DTD1: variants seen among roughly 807,000 people sequenced by gnomAD.
DTD1 encodes D-tyrosyl-tRNA deacylase 1 homolog.
A neutral mutation model predicts 25.6 loss-of-function variants in DTD1; 13 were observed. The observed-to-expected ratio is 0.51, with a 90% CI of 0.33 to 0.81. The LOEUF is 0.81. DTD1 is among the 30% of genes least tolerant of loss of function. DTD1 has a pLI of 0.02. For missense variants in DTD1, 193 were observed against 266.4 expected (o/e 0.72, Z 1.92); for synonymous variants, 110 against 103.6 (o/e 1.06, Z -0.37).
chr20:18,746,482 G>A (rs2061300784), intron 5 of DTD1, among the ~76,000 whole-genome samples: 1 of 151,872 alleles, frequency 6.6e-6, no homozygotes, highest in Non-Finnish European at 1.5e-5. Flanking sequence ...AGAATCACTC[G>A]AACCCAAGAG....
chr20:18,727,503 C>T (rs73899874), intron 4 of DTD1, among the ~76,000 whole-genome samples: 3,442 of 152,022 alleles, frequency 0.023, 71 homozygotes, highest in African/African-American at 0.051. Flanking sequence ...AAGGAGAGGG[C>T]GGCCCTGGAA....
chr20:18,721,072 T>G (rs2122492235), intron 4 of DTD1, among the ~76,000 whole-genome samples: 1 of 152,320 alleles, frequency 6.6e-6, no homozygotes, highest in East Asian at 1.9e-4. Context: ...CTATGCCTTT[T>G]ATTTCCTTTT....
chr20:18,631,848 A>G (rs2122319926), intron 4 of DTD1: 2 of 985,298 alleles, frequency 2.0e-6, no homozygotes, highest in South Asian at 4.7e-5. Flanking sequence ...ATTTTTCTGG[A>G]AATGGTAGAA....
intron 4 of DTD1, among the ~76,000 whole-genome samples, chr20:18,665,422 TGAG>T (rs1268875659): frequency 6.6e-6 from 1 of 152,222 alleles, no homozygotes; most frequent in Non-Finnish European, 1.5e-5. Context: ...GGTATCCCCT[TGAG>T]GAGTGCCAGC....
intron 4 of DTD1, among the ~76,000 whole-genome samples, chr20:18,677,050 A>G (rs1489599607): frequency 6.6e-6 from 1 of 152,254 alleles, no homozygotes; most frequent in East Asian, 1.9e-4. Context: ...TGACAAAGTA[A>G]TTAATCATTT....
At chr20:18,701,520 C>T (rs539775629) in intron 4 of DTD1, among the ~76,000 whole-genome samples, 2 of 152,178 alleles carry the variant, frequency 1.3e-5, no homozygotes, top group Non-Finnish European at 2.9e-5. Context: ...ATCTTGTGGG[C>T]AGGTAGGAGC....
At chr20:18,588,922 G>A (rs572807250) in intron 1 of DTD1, 345 of 948,810 alleles carry the variant, frequency 3.6e-4, no homozygotes, top group Non-Finnish European at 4.2e-4. Flanking sequence ...TAAATGACAA[G>A]CTTTATATTG....
chr20:18,753,846 C>A (rs2061329797), intron 5 of DTD1, among the ~76,000 whole-genome samples: 1 of 152,066 alleles, frequency 6.6e-6, no homozygotes, highest in South Asian at 2.1e-4. Flanking sequence ...GGACCATCAG[C>A]TCTCAAGCAA....
chr20:18,762,264 C>T (rs1884790), intron 5 of DTD1, among the ~76,000 whole-genome samples: 84,042 of 152,110 alleles, frequency 0.55, 24,205 homozygotes, highest in Non-Finnish European at 0.62. Context: ...TACTGAAGTC[C>T]ATCCAATTAG....
chr20:18,612,396 T>G (rs1029406396), intron 3 of DTD1, among the ~76,000 whole-genome samples: 3 of 152,128 alleles, frequency 2.0e-5, no homozygotes, highest in Non-Finnish European at 2.9e-5. Context: ...GAGGGCTTGT[T>G]ATATTCCAGG....
In DTD1 at chr20:18,676,554, C is replaced by T. The variant is rs187618801; in HGVS notation, c.477+48321C>T. Among the ~76,000 whole-genome samples, 100 of 152,206 alleles carry T rather than the reference C, an allele frequency of 6.6e-4. 1 individual carries two copies. The East Asian group carries it at 0.017, about 26-fold the overall frequency. On this transcript the variant is annotated intron_variant, in intron 4 of 5. Transcript: ENST00000377452. ...CTGTTTTCTCCACCCCGTGGTGTAGCCAATAAATTGGAAAATTGACGGTTG... is the reference window on the plus strand; with the variant it reads ...CTGTTTTCTCCACCCCGTGGTGTAGTCAATAAATTGGAAAATTGACGGTTG...
At chr20:18,763,145 A>G (rs6081362) in intron 5 of DTD1, among the ~76,000 whole-genome samples, 38,199 of 152,100 alleles carry the variant, frequency 0.25, 5,078 homozygotes, top group Middle Eastern at 0.34. Context: ...ATGGAGTTTT[A>G]ATGAACTGGA....
At position 18,744,185 on chromosome 20, in the gene DTD1, C is replaced by T. The variant is rs2061290555; in HGVS notation, c.563C>T (p.Pro188Leu). 1 of 1,612,168 alleles carries T rather than the reference C, an allele frequency of 6.2e-7. No homozygotes were observed. The highest frequency in any genetic ancestry group is 1.7e-5 in the Admixed American group (1 of 60,000). ...GAATCAAGCAAGGAAAGAAACACTCCCCGAAAAGAAGACCGCAGTGCCAGC... is the reference window on the plus strand; with the variant it reads ...GAATCAAGCAAGGAAAGAAACACTCTCCGAAAAGAAGACCGCAGTGCCAGC... Reference protein sequence around the residue: ...PSESSKERNTPRKEDRSASSG... With the variant: ...PSESSKERNTLRKEDRSASSG... The change falls in exon 5 of 6, where the codon CCC becomes CTC. Residue 188 changes from proline (P) to leucine (L), a missense_variant. Transcript: ENST00000377452.
At chr20:18,590,602 C>T (rs1216833034) in intron 1 of DTD1, among the ~76,000 whole-genome samples, 1 of 152,248 alleles carries the variant, frequency 6.6e-6, no homozygotes, top group Non-Finnish European at 1.5e-5. Flanking sequence ...TCCTGAGTAG[C>T]TGGTCTTACA....
At position 18,747,207 on chromosome 20, in the gene DTD1, C is replaced by T. The variant is rs544208510; in HGVS notation, c.*19+2936C>T. On this transcript the variant is annotated intron_variant, in intron 5 of 5. Transcript: ENST00000377452. ...TTTCAGTTGTGCTAGTTAAATGGGT[C>T]AAGCAGTAATTCAGAAACTCATCGA... Among the ~76,000 whole-genome samples the T allele has an allele frequency of 1.8e-4, 28 of 152,300 alleles. No homozygotes were observed. The South Asian group carries it at 4.1e-3, about 23-fold the overall frequency.
chr20:18,644,671 T>C (rs1410637008), intron 4 of DTD1, among the ~76,000 whole-genome samples: 1 of 151,156 alleles, frequency 6.6e-6, no homozygotes, highest in East Asian at 2.0e-4. Flanking sequence ...ATTTCTCATC[T>C]TGGTTCCTTT....
At chr20:18,761,036 T>A (rs367802644) in intron 5 of DTD1, among the ~76,000 whole-genome samples, 5 of 152,194 alleles carry the variant, frequency 3.3e-5, no homozygotes, top group South Asian at 4.1e-4. Flanking sequence ...CTCAGAGCCA[T>A]GCGCGGGATA....
At chr20:18,759,194 T>C (rs2061351311) in intron 5 of DTD1, among the ~76,000 whole-genome samples, 1 of 152,240 alleles carries the variant, frequency 6.6e-6, no homozygotes, top group Admixed American at 6.5e-5. Context: ...TTATCCGATT[T>C]GCCAGTCTGT....
At chr20:18,641,713 GT>G (rs994143570) in intron 4 of DTD1, among the ~76,000 whole-genome samples, 4 of 151,892 alleles carry the variant, frequency 2.6e-5, no homozygotes, top group Admixed American at 1.3e-4. Context: ...ATTGCTTTGT[GT>G]TTTTTTTATT....
Sources: gnomAD v4.1 joint callset for allele counts (sites outside exome capture counted in the v4.1 genomes callset) on GRCh38, gnomAD v4.1.1 for gene constraint, MANE v1.5 for transcripts, NCBI Gene and HGNC (gene_info 2026-07-23, HGNC 2026-07-21) for gene names.